The following RAB38 variants were observed in gnomAD, a reference collection of about 807,000 sequenced individuals.
The protein encoded by RAB38 is ras-related protein Rab-38.
RAB38 carries 15 observed loss-of-function variants against 18.4 expected under a neutral mutation model. That is an observed-to-expected ratio of 0.82 (90% CI 0.55 to 1.26). The LOEUF (loss-of-function observed/expected upper bound fraction) is 1.26. RAB38 is among the 50% of genes most tolerant of loss of function. RAB38 has a pLI of 0.00. For synonymous variants in RAB38, 101 were observed against 104.4 expected, an observed-to-expected ratio of 0.97 and a Z score of 0.20; for missense variants, 294 against 267.4, an observed-to-expected ratio of 1.10 and a Z score of -0.69.
At chr11:87,908,003 T>A in the RAB38 span, among the ~76,000 whole-genome samples, 1 of 151,942 alleles carries the variant, frequency 6.6e-6, no homozygotes. Context: ...TCAAAACTGA[T>A]CTCAATATTT....
the RAB38 span, among the ~76,000 whole-genome samples, chr11:87,847,807 A>T: frequency 6.6e-6 from 1 of 152,256 alleles, no homozygotes; most frequent in Admixed American, 6.5e-5. Flanking sequence ...AAGACGGGAC[A>T]TGTCCTTTCA....
chr11:88,042,456 G>A, the RAB38 span, among the ~76,000 whole-genome samples: 9 of 152,164 alleles, frequency 5.9e-5, no homozygotes, highest in Middle Eastern at 3.2e-3. Context: ...CAGCCTCCAG[G>A]TTTCTTCAGA....
At chr11:88,074,896 G>T in the RAB38 span, among the ~76,000 whole-genome samples, 19,987 of 151,994 alleles carry the variant, frequency 0.13, 1,433 homozygotes, top group Admixed American at 0.2. Context: ...ATATAAGCAG[G>T]AATAGCTAGA....
At chr11:87,877,002 T>A in the RAB38 span, among the ~76,000 whole-genome samples, 1 of 151,596 alleles carries the variant, frequency 6.6e-6, no homozygotes, top group Admixed American at 6.6e-5. Context: ...ATTTTCACCA[T>A]CAACAAAAGT....
chr11:87,884,897 TG>T, the RAB38 span, among the ~76,000 whole-genome samples: 1 of 151,952 alleles, frequency 6.6e-6, no homozygotes. Context: ...GTTGATTATC[TG>T]ATCATTATGG....
At chr11:87,908,222 G>T in the RAB38 span, among the ~76,000 whole-genome samples, 1 of 151,820 alleles carries the variant, frequency 6.6e-6, no homozygotes, top group African/African-American at 2.4e-5. Flanking sequence ...AGCAAAATGG[G>T]AAAGATCAAA....
the RAB38 span, among the ~76,000 whole-genome samples, chr11:87,858,123 C>A: frequency 6.6e-6 from 1 of 152,106 alleles, no homozygotes; most frequent in East Asian, 1.9e-4. Flanking sequence ...AACAGGGAAT[C>A]CTTTCCCCAT....
the RAB38 span, among the ~76,000 whole-genome samples, chr11:87,846,035 T>C: frequency 6.6e-6 from 1 of 152,098 alleles, no homozygotes; most frequent in Non-Finnish European, 1.5e-5. Flanking sequence ...AAAGAAATTC[T>C]AAGTAGACTG....
chr11:88,036,760 T>C, the RAB38 span, among the ~76,000 whole-genome samples: 1 of 151,978 alleles, frequency 6.6e-6, no homozygotes, highest in African/African-American at 2.4e-5. Flanking sequence ...AATATAAGGA[T>C]TTATATTAAT....
the RAB38 span, among the ~76,000 whole-genome samples, chr11:88,043,259 T>C: frequency 2.0e-5 from 3 of 152,342 alleles, no homozygotes; most frequent in East Asian, 5.8e-4. Flanking sequence ...TTGTCTCATC[T>C]ACTTTTGCAA....
chr11:87,954,774 T>G, the RAB38 span, among the ~76,000 whole-genome samples: 2 of 152,100 alleles, frequency 1.3e-5, no homozygotes, highest in Non-Finnish European at 2.9e-5. Flanking sequence ...AAGGACACTT[T>G]TAGCTAAAAT....
intron 2 of RAB38, among the ~76,000 whole-genome samples, chr11:88,131,783 C>T (rs1565212253): frequency 6.6e-6 from 1 of 152,144 alleles, no homozygotes; most frequent in Non-Finnish European, 1.5e-5. Flanking sequence ...GCAGGTGGGA[C>T]CTATGAATAG....
the RAB38 span, among the ~76,000 whole-genome samples, chr11:88,015,502 G>A: frequency 1.3e-5 from 2 of 152,096 alleles, no homozygotes; most frequent in African/African-American, 4.8e-5. Context: ...CACATAATAA[G>A]TGATCGATAG....
At chr11:87,965,955 T>C in the RAB38 span, among the ~76,000 whole-genome samples, 1 of 152,176 alleles carries the variant, frequency 6.6e-6, no homozygotes, top group African/African-American at 2.4e-5. Context: ...ATGTATCTGC[T>C]TATTTTAAGG....
the RAB38 span, among the ~76,000 whole-genome samples, chr11:87,952,083 T>A: frequency 6.6e-6 from 1 of 152,030 alleles, no homozygotes; most frequent in African/African-American, 2.4e-5. Context: ...GAGGAAGCAG[T>A]GGGTAAGGTC....
At chr11:88,160,289 G>A (rs1943174773) in intron 1 of RAB38, among the ~76,000 whole-genome samples, 2 of 152,018 alleles carry the variant, frequency 1.3e-5, no homozygotes, top group Non-Finnish European at 2.9e-5. Flanking sequence ...TCTCACACCA[G>A]TCAGAATGGT....
the RAB38 span, among the ~76,000 whole-genome samples, chr11:87,966,565 T>C: frequency 6.6e-6 from 1 of 152,182 alleles, no homozygotes; most frequent in Non-Finnish European, 1.5e-5. Flanking sequence ...TTTGTCTCAG[T>C]GATTTCCTCC....
intron 1 of RAB38, among the ~76,000 whole-genome samples, chr11:88,157,152 C>A (rs1191603968): frequency 6.6e-6 from 1 of 152,112 alleles, no homozygotes; most frequent in African/African-American, 2.4e-5. Context: ...AGAGAAAGAT[C>A]CAGCACACAA....
chr11:87,969,293 A>C, the RAB38 span, among the ~76,000 whole-genome samples: 2 of 152,074 alleles, frequency 1.3e-5, no homozygotes, highest in African/African-American at 4.8e-5. Flanking sequence ...CCAGATAACC[A>C]CACATATCCC....
Sources: gnomAD v4.1 joint callset for allele counts (sites outside exome capture counted in the v4.1 genomes callset) on GRCh38, gnomAD v4.1.1 for gene constraint, MANE v1.5 for transcripts, NCBI Gene and HGNC (gene_info 2026-07-23, HGNC 2026-07-21) for gene names.